Variants in ACAD10 observed in about 807,000 individuals in gnomAD.
The protein encoded by ACAD10 is acyl-CoA dehydrogenase family member 10, also known as ACAD-10.
ACAD10 carries 112 observed loss-of-function variants against 116.8 expected under a neutral mutation model. That is an observed-to-expected ratio of 0.96 (90% CI 0.82 to 1.12). The LOEUF (loss-of-function observed/expected upper bound fraction) is 1.12. Ranked by LOEUF, ACAD10 falls within the 50% of genes most tolerant of loss-of-function variation. The pLI is 0.00. For missense variants in ACAD10, 1,259 were observed against 1,350.2 expected, an observed-to-expected ratio of 0.93 and a Z score of 1.06; for synonymous variants, 486 against 510.6, an observed-to-expected ratio of 0.95 and a Z score of 0.65.
chr12:111,702,363 T>C, intron 3 of ACAD10, 53 bp downstream of exon 3: 15 of 1,588,872 alleles, frequency 9.4e-6, no homozygotes, highest in Non-Finnish European at 1.3e-5. Flanking sequence ...CCTTGAGTAG[T>C]GGTTGCAACA....
chr12:111,690,824 A>G (rs1313264842), intron 1 of ACAD10, among the ~76,000 whole-genome samples: 1 of 150,558 alleles, frequency 6.6e-6, no homozygotes, highest in Non-Finnish European at 1.5e-5. Context: ...GGAGCATTTC[A>G]GATGTCAGAT....
chr12:111,743,196 A>T (rs75391425), intron 12 of ACAD10, among the ~76,000 whole-genome samples: 2,380 of 152,258 alleles, frequency 0.016, 74 homozygotes, highest in African/African-American at 0.054. Flanking sequence ...TGCAGGGCTC[A>T]GAGTGATGGA....
At chr12:111,716,668 A>C (rs898056772) in intron 7 of ACAD10, among the ~76,000 whole-genome samples, 1 of 152,090 alleles carries the variant, frequency 6.6e-6, no homozygotes, top group Admixed American at 6.6e-5. Context: ...CAGCCTGGAC[A>C]ACATAGTGAA....
intron 11 of ACAD10, 131 bp downstream of exon 11, chr12:111,734,199 A>T (rs1302129647): frequency 7.8e-7 from 1 of 1,287,482 alleles, no homozygotes; most frequent in East Asian, 2.5e-5. Context: ...CTGGTGGGAA[A>T]CATAACTAGA....
intron 12 of ACAD10, among the ~76,000 whole-genome samples, chr12:111,740,782 C>CAA (rs751899672): frequency 2.2e-3 from 113 of 50,944 alleles, no homozygotes; most frequent in South Asian, 0.013. Flanking sequence ...GACTCCATCT[C>CAA]AAAAAAAAAA....
chr12:111,751,983 G>A (rs142054446), intron 18 of ACAD10, among the ~76,000 whole-genome samples: 4,477 of 151,658 alleles, frequency 0.03, 92 homozygotes, highest in Non-Finnish European at 0.048. Flanking sequence ...GCCTGAACCC[G>A]GGAGGTGGAG....
intron 12 of ACAD10, among the ~76,000 whole-genome samples, chr12:111,739,389 C>A (rs1017360480): frequency 2.6e-5 from 4 of 152,164 alleles, no homozygotes; most frequent in African/African-American, 9.7e-5. Flanking sequence ...GCAAACAACT[C>A]AGTTTCTTCA....
chr12:111,734,966 GTAAT>G (rs1889502961), intron 11 of ACAD10, among the ~76,000 whole-genome samples: 3 of 152,174 alleles, frequency 2.0e-5, no homozygotes, highest in African/African-American at 7.2e-5. Flanking sequence ...GCCCACGCCT[GTAAT>G]CCCAGCACTT....
At chr12:111,710,170 G>C (rs1888630720) in intron 5 of ACAD10, 3 of 370,426 alleles carry the variant, frequency 8.1e-6, no homozygotes, top group Non-Finnish European at 1.6e-5. Flanking sequence ...GCTCACTGTA[G>C]CCTCAACCTC....
chr12:111,757,070 CAGA>C lies in ACAD10; in HGVS notation c.*602_*604del. The C allele has an allele frequency of 2.8e-6, 1 of 356,782 alleles. No homozygotes were observed. The highest frequency in any genetic ancestry group is 2.1e-5 in the South Asian group (1 of 48,248). The allele number at this position is 356,782 out of a possible 1,614,324, so 22.1% of individuals were successfully genotyped here. A position where few individuals can be genotyped will look rare whatever the true frequency, so the allele number is the denominator to read the frequency against. ...ATTTTGGAAAGGGGTTTTGGGGACA[CAGA>C]AGAATAAGTAAACACATCTCGGAGG... On this transcript the variant is annotated 3_prime_UTR_variant, in exon 21 of 21. Transcript: ENST00000313698.
intron 16 of ACAD10, among the ~76,000 whole-genome samples, 157 bp from the exon 17 acceptor site, chr12:111,748,160 C>T (rs140736165): frequency 6.6e-6 from 1 of 152,296 alleles, no homozygotes; most frequent in East Asian, 1.9e-4. Context: ...GCTCTTATTT[C>T]TGGTCAGCAG....
At position 111,735,092 on chromosome 12, in the gene ACAD10, T is replaced by C. The variant is rs1015209267; in HGVS notation, c.1540+1024T>C. On this transcript the variant is annotated intron_variant, in intron 11 of 20. Transcript: ENST00000313698. ...CAAAAAAATTAGCTGGGCGTGGTGG[T>C]GGGCACCTGTAGTCCCAGCTACTCA... is the stretch of plus-strand genomic sequence containing the variant. Among the ~76,000 whole-genome samples the C allele has an allele frequency of 5.9e-5, 9 of 151,548 alleles. No homozygotes were observed. In the South Asian group the frequency reaches 1.5e-3, roughly 25 times the overall value.
intron 12 of ACAD10, among the ~76,000 whole-genome samples, chr12:111,742,854 C>T (rs1042613955): frequency 1.3e-5 from 2 of 152,084 alleles, no homozygotes; most frequent in African/African-American, 2.4e-5. Flanking sequence ...AGATTACAGG[C>T]GTGCATCACC....
chr12:111,688,005 A>G (rs899014656), intron 1 of ACAD10: 7 of 152,052 alleles, frequency 4.6e-5, no homozygotes, highest in African/African-American at 1.7e-4. Context: ...AGCTGGGACT[A>G]CAGGCACACA....
chr12:111,730,053 A>G, intron 10 of ACAD10, 97 bp downstream of exon 10: 1 of 1,469,212 alleles, frequency 6.8e-7, no homozygotes, highest in Middle Eastern at 2.4e-4. Context: ...GCTGGGAATT[A>G]TTCCTATTAC....
chr12:111,718,053 TTTTTTTTTTTTTTTG>T (rs1353849075), intron 7 of ACAD10, among the ~76,000 whole-genome samples: 1 of 131,702 alleles, frequency 7.6e-6, no homozygotes, highest in Non-Finnish European at 1.6e-5. Flanking sequence ...TTTTTTTTTT[TTTTTTTTTTTTTTTG>T]AAATGGAGTC....
intron 3 of ACAD10, among the ~76,000 whole-genome samples, chr12:111,703,169 G>A (rs551975994): frequency 6.6e-6 from 1 of 151,408 alleles, no homozygotes; most frequent in African/African-American, 2.4e-5. Flanking sequence ...AGGATGTTAT[G>A]AAGGATACGA....
chr12:111,707,999 TG>T, intron 4 of ACAD10, among the ~76,000 whole-genome samples: 1 of 152,354 alleles, frequency 6.6e-6, no homozygotes, highest in East Asian at 1.9e-4. Flanking sequence ...CTTCAGATTC[TG>T]TCCATGCTTT....
At chr12:111,710,297 A>C (rs1194071760) in intron 5 of ACAD10, 1 of 454,516 alleles carries the variant, frequency 2.2e-6, no homozygotes, top group Non-Finnish European at 4.4e-6. Flanking sequence ...CGTGTTGCCC[A>C]AGCTGGTGTC....
Sources: gnomAD v4.1 joint callset for allele counts (sites outside exome capture counted in the v4.1 genomes callset) on GRCh38, gnomAD v4.1.1 for gene constraint, MANE v1.5 for transcripts, NCBI Gene and HGNC (gene_info 2026-07-23, HGNC 2026-07-21) for gene names.